The following DYRK1A variants were observed in gnomAD, a reference collection of about 807,000 sequenced individuals.
The protein encoded by DYRK1A is dual specificity tyrosine phosphorylation regulated kinase 1A, also known as dual specificity tyrosine-phosphorylation-regulated kinase 1A.
A neutral mutation model predicts 79.7 loss-of-function variants in DYRK1A; 9 were observed. The ratio of observed to expected loss-of-function variants is 0.11; its 90% CI spans 0.07 to 0.20. The LOEUF is 0.20. Among genes scored for constraint, DYRK1A ranks in the 10% least tolerant of loss-of-function variants. The probability of loss-of-function intolerance (pLI) is 1.00; values close to 1 mark genes in which losing one functional copy is unlikely to be tolerated. For synonymous variants in DYRK1A, 349 were observed against 329.7 expected, an observed-to-expected ratio of 1.06 and a Z score of -0.63; for missense variants, 622 against 956.0, an observed-to-expected ratio of 0.65 and a Z score of 4.61.
intron 7 of DYRK1A, among the ~76,000 whole-genome samples, chr21:37,490,721 C>G (rs949974010): frequency 1.3e-5 from 2 of 151,610 alleles, no homozygotes; most frequent in African/African-American, 2.4e-5. Context: ...GTGTTGATAT[C>G]TATTTTGGGG....
At chr21:37,466,115 C>T (rs972226710) in intron 2 of DYRK1A, among the ~76,000 whole-genome samples, 1 of 152,170 alleles carries the variant, frequency 6.6e-6, no homozygotes, top group Non-Finnish European at 1.5e-5. Context: ...CTACCTGTTT[C>T]TTTGTAATTC....
intron 2 of DYRK1A, chr21:37,430,335 G>A: frequency 3.1e-6 from 3 of 982,788 alleles, no homozygotes; most frequent in Non-Finnish European, 3.6e-6. Flanking sequence ...CTCATGGAGA[G>A]GGAGATGTGA....
At position 37,518,263 on chromosome 21, in the gene DYRK1A, T is replaced by C. The variant is rs1222754853; in HGVS notation, c.*5732T>C. ...ACATCACAGACAAGCCTTGTTCTGC[T>C]GAAGAGGTGATGCCACGAGGTGGGG... On this transcript the variant is annotated 3_prime_UTR_variant, in exon 12 of 12. Coordinates refer to ENST00000647188, the MANE Select transcript of DYRK1A (RefSeq NM_001347721.2). 6.6e-6 allele frequency: 1 copy of C among 152,222 alleles called. No homozygotes were observed. Among genetic ancestry groups the C allele is most frequent in the Admixed American group, 6.5e-5 (1 of 15,270 alleles). The allele number at this position is 152,222 out of a possible 1,614,324, so 9.4% of individuals were successfully genotyped here.
In DYRK1A at chr21:37,366,984, GCGCCGC is replaced by G. The variant is rs1284649150; in HGVS notation, c.-711_-706del. The G allele has an allele frequency of 6.1e-6, 1 of 163,952 alleles. No individual in the cohort carries two copies. The highest frequency in any genetic ancestry group is 1.3e-5 in the Non-Finnish European group (1 of 75,702). The allele number at this position is 163,952 out of a possible 1,614,324, so 10.2% of individuals were successfully genotyped here. A position where few individuals can be genotyped will look rare whatever the true frequency, so the allele number is the denominator to read the frequency against. ...CGGACACCCCGAGCGGGGGGTGCGG[GCGCCGC>G]CGCCGCCGCTTCTGCTGCTGCTGTT... On this transcript the variant is annotated 5_prime_UTR_variant, in exon 1 of 12. Coordinates refer to ENST00000647188, the MANE Select transcript of DYRK1A (RefSeq NM_001347721.2).
intron 1 of DYRK1A, among the ~76,000 whole-genome samples, chr21:37,377,467 G>A (rs2049570121): frequency 6.6e-6 from 1 of 151,806 alleles, no homozygotes; most frequent in African/African-American, 2.4e-5. Flanking sequence ...TCAGCTCACA[G>A]AGCTCCCATT....
chr21:37,388,285 T>C (rs1022203373), intron 1 of DYRK1A, among the ~76,000 whole-genome samples: 3 of 151,968 alleles, frequency 2.0e-5, no homozygotes, highest in Non-Finnish European at 4.4e-5. Context: ...GGTCTTGCCA[T>C]GTTGCCCAGG....
At chr21:37,369,875 AT>A (rs2049396261) in intron 1 of DYRK1A, among the ~76,000 whole-genome samples, 3 of 152,242 alleles carry the variant, frequency 2.0e-5, no homozygotes, top group Non-Finnish European at 4.4e-5. Context: ...TTAACACATT[AT>A]TGTGTGCAAG....
At chr21:37,378,449 T>C (rs990086360) in intron 1 of DYRK1A, among the ~76,000 whole-genome samples, 5 of 152,222 alleles carry the variant, frequency 3.3e-5, no homozygotes, top group African/African-American at 1.2e-4. Flanking sequence ...GGAGAATTGC[T>C]TGAACCTGGG....
intron 2 of DYRK1A, among the ~76,000 whole-genome samples, chr21:37,442,273 T>C (rs942144831): frequency 5.3e-5 from 8 of 152,276 alleles, no homozygotes; most frequent in African/African-American, 1.9e-4. Context: ...TTGGAAGATT[T>C]TTGACCATTA....
chr21:37,509,271 A>T (rs988822121), intron 11 of DYRK1A, among the ~76,000 whole-genome samples: 1 of 152,218 alleles, frequency 6.6e-6, no homozygotes, highest in African/African-American at 2.4e-5. Context: ...ATAGTACCAT[A>T]CCAGGCAAAC....
rs763371394 is a variant in DYRK1A at position 37,496,061 on chromosome 21, G to A, written c.1072-57G>A. On this transcript the variant is annotated intron_variant, in intron 8 of 11. Transcript: ENST00000647188. The stretch of plus-strand genomic sequence containing the variant: ...TATTTATGAATGAATGACTTGATGA[G>A]CAGGAGTAGATGTACAGTAGAAATT... The A allele has an allele frequency of 2.4e-5, 37 of 1,529,526 alleles. No homozygotes were observed. The South Asian group carries it at 3.3e-4, about 14-fold the overall frequency. The allele number at this position is 1,529,526 out of a possible 1,614,324, so 94.7% of individuals were successfully genotyped here.
Position 37,430,485 on chromosome 21 carries a change from A to T in DYRK1A, c.10+10101A>T, listed in dbSNP as rs1220640210. The T allele has an allele frequency of 3.5e-5, 31 of 883,176 alleles. No homozygotes were observed. The Admixed American group carries it at 1.9e-3, about 55-fold the overall frequency. The allele number at this position is 883,176 out of a possible 1,614,324, so 54.7% of individuals were successfully genotyped here. ...TAGTTTTTACTTTCACCTTTGTTCCATGCACCGCGCAAATACCTGGGAACC... is the reference window on the plus strand; with the variant it reads ...TAGTTTTTACTTTCACCTTTGTTCCTTGCACCGCGCAAATACCTGGGAACC... On this transcript the variant is annotated intron_variant, in intron 2 of 11. Transcript: ENST00000647188.
chr21:37,398,026 A>C (rs1177442471), intron 1 of DYRK1A, among the ~76,000 whole-genome samples: 1 of 150,850 alleles, frequency 6.6e-6, no homozygotes, highest in South Asian at 2.1e-4. Flanking sequence ...GATTGCTTGA[A>C]GTTTGAGAGC....
In DYRK1A at chr21:37,512,750, AGGTAT is replaced by A; in HGVS notation, c.*220_*224del. 1 of 527,536 alleles carries A rather than the reference AGGTAT, an allele frequency of 1.9e-6. No individual in the cohort carries two copies. Among genetic ancestry groups the A allele is most frequent in the Non-Finnish European group, 3.3e-6 (1 of 305,138 alleles). 32.7% of individuals were successfully genotyped at this position (527,536 alleles called of 1,614,324 possible). On this transcript the variant is annotated 3_prime_UTR_variant, in exon 12 of 12. Transcript: ENST00000647188. ...AAACCCATCTTCATGGATAGCTCAG[AGGTAT>A]CCTCTTTTTGCTCCCCCATTTTAAC...
At chr21:37,415,911 G>GT (rs2050329308) in intron 1 of DYRK1A, among the ~76,000 whole-genome samples, 2 of 152,148 alleles carry the variant, frequency 1.3e-5, no homozygotes, top group Non-Finnish European at 2.9e-5. Flanking sequence ...ATGAGCTCTT[G>GT]TTTTTTCATG....
intron 2 of DYRK1A, among the ~76,000 whole-genome samples, chr21:37,443,759 G>A (rs1307410019): frequency 6.6e-6 from 1 of 152,078 alleles, no homozygotes; most frequent in Non-Finnish European, 1.5e-5. Context: ...GCTGCATTAC[G>A]CCTATCTTTG....
intron 1 of DYRK1A, among the ~76,000 whole-genome samples, chr21:37,406,904 A>G (rs2050158473): frequency 2.0e-5 from 3 of 148,700 alleles, no homozygotes; most frequent in African/African-American, 7.4e-5. Flanking sequence ...TTTAGAAAAA[A>G]TTCTTTTTGA....
intron 1 of DYRK1A, among the ~76,000 whole-genome samples, chr21:37,374,307 G>T (rs1348536785): frequency 6.7e-6 from 1 of 150,254 alleles, no homozygotes; most frequent in Non-Finnish European, 1.5e-5. Context: ...ACTGCAAGAA[G>T]GATGATAGCA....
intron 7 of DYRK1A, among the ~76,000 whole-genome samples, chr21:37,490,907 A>T (rs2053070150): frequency 1.3e-5 from 2 of 152,022 alleles, no homozygotes; most frequent in Non-Finnish European, 2.9e-5. Context: ...TTTTAGTATA[A>T]ATTTTGGGAC....
Sources: allele counts gnomAD v4.1 joint callset (sites outside exome capture counted in the v4.1 genomes callset), GRCh38; gene constraint gnomAD v4.1.1; transcripts MANE v1.5; gene names NCBI Gene and HGNC (gene_info 2026-07-23, HGNC 2026-07-21).